KIAA1328: variants seen among roughly 807,000 people sequenced by gnomAD.
KIAA1328 encodes KIAA1328, also known as protein hinderin.
KIAA1328 carries 52 observed loss-of-function variants against 68.1 expected under a neutral mutation model. That is an observed-to-expected ratio of 0.76 (90% confidence interval 0.61 to 0.96). The LOEUF (loss-of-function observed/expected upper bound fraction) is 0.96, where lower values mean the gene tolerates loss of function less well. Among genes scored for constraint, KIAA1328 ranks in the 40% least tolerant of loss-of-function variants. The pLI, the probability that KIAA1328 is intolerant of heterozygous loss-of-function variation, is 0.00. For synonymous variants in KIAA1328, 232 were observed against 239.4 expected (o/e 0.97, Z 0.28); for missense variants, 641 against 677.6 (o/e 0.95, Z 0.60).
chr18:36,839,065 G>A (rs1419144821), intron 3 of KIAA1328, among the ~76,000 whole-genome samples: 1 of 152,012 alleles, frequency 6.6e-6, no homozygotes, highest in Non-Finnish European at 1.5e-5. Flanking sequence ...TATCTCTTTT[G>A]TTTGAGGTTT....
chr18:37,149,013 TATA>T (rs1355222496), intron 7 of KIAA1328, among the ~76,000 whole-genome samples: 1 of 152,168 alleles, frequency 6.6e-6, no homozygotes, highest in African/African-American at 2.4e-5. Flanking sequence ...CAAAGTAATT[TATA>T]GATTCAGTGC....
intron 5 of KIAA1328, among the ~76,000 whole-genome samples, chr18:36,929,488 C>G (rs2050236775): frequency 6.6e-6 from 1 of 151,984 alleles, no homozygotes; most frequent in South Asian, 2.1e-4. Flanking sequence ...CTTCTGCCAC[C>G]TTGTACTTAG....
intron 5 of KIAA1328, among the ~76,000 whole-genome samples, chr18:36,948,092 T>A (rs187728176): frequency 6.6e-6 from 1 of 152,174 alleles, no homozygotes; most frequent in Non-Finnish European, 1.5e-5. Context: ...CTTCATTCAG[T>A]CAGTTGAGGG....
intron 9 of KIAA1328, among the ~76,000 whole-genome samples, chr18:37,192,769 C>T (rs995056783): frequency 6.6e-6 from 1 of 152,092 alleles, no homozygotes; most frequent in East Asian, 1.9e-4. Context: ...ATTAAATGGC[C>T]ATTATCTAAC....
At chr18:37,005,786 C>T (rs1287334607) in intron 6 of KIAA1328, among the ~76,000 whole-genome samples, 1 of 152,036 alleles carries the variant, frequency 6.6e-6, no homozygotes, top group South Asian at 2.1e-4. Flanking sequence ...AGAATGAAAT[C>T]ATGTCATTTC....
intron 4 of KIAA1328, among the ~76,000 whole-genome samples, chr18:36,851,430 C>T (rs2047208046): frequency 6.6e-6 from 1 of 151,706 alleles, no homozygotes; most frequent in East Asian, 1.9e-4. Context: ...GCCATCTGGT[C>T]CCTGGATTGT....
chr18:37,225,597 GTC>G (rs2154227931), downstream of KIAA1328, among the ~76,000 whole-genome samples: 1 of 152,312 alleles, frequency 6.6e-6, no homozygotes, highest in Admixed American at 6.5e-5. Flanking sequence ...AGAACATTCA[GTC>G]TCTCTGCACC....
At chr18:36,836,166 A>G (rs138883503) in intron 3 of KIAA1328, among the ~76,000 whole-genome samples, 3 of 152,212 alleles carry the variant, frequency 2.0e-5, no homozygotes, top group East Asian at 1.9e-4. Flanking sequence ...CCAGTGCCTC[A>G]TTTATTACTA....
intron 6 of KIAA1328, among the ~76,000 whole-genome samples, chr18:36,993,160 G>A (rs1367919458): frequency 1.3e-5 from 2 of 152,080 alleles, no homozygotes; most frequent in African/African-American, 4.8e-5. Flanking sequence ...GCTGAACAAG[G>A]AAGTCATGGT....
chr18:37,076,397 G>T (rs11663664), intron 7 of KIAA1328, among the ~76,000 whole-genome samples: 19,172 of 151,644 alleles, frequency 0.13, 1,743 homozygotes, highest in Admixed American at 0.18. Flanking sequence ...ATCCAAAATT[G>T]ACACCCTAAC....
At chr18:37,113,842 A>T (rs1400359303) in intron 7 of KIAA1328, among the ~76,000 whole-genome samples, 1 of 152,224 alleles carries the variant, frequency 6.6e-6, no homozygotes, top group African/African-American at 2.4e-5. Context: ...AAACAAAAAA[A>T]AGCAGGTGTT....
chr18:37,053,078 C>G (rs1424558232), intron 6 of KIAA1328, among the ~76,000 whole-genome samples: 3 of 152,134 alleles, frequency 2.0e-5, no homozygotes, highest in Non-Finnish European at 4.4e-5. Context: ...CATCACATTA[C>G]CTGATATGAA....
rs943063003 is a variant in KIAA1328, at chr18:36,885,812, G to T, written c.448+140G>T. On this transcript the variant is annotated intron_variant, in intron 5 of 9. Coordinates refer to ENST00000280020, the MANE Select transcript of KIAA1328 (RefSeq NM_020776.3). ...AGTTCACCGCAACCTCCACCTCCCGGTTCAAGCGATTCTCCTACCTCAGCC... is the reference window on the plus strand; with the variant it reads ...AGTTCACCGCAACCTCCACCTCCCGTTTCAAGCGATTCTCCTACCTCAGCC... The T allele has an allele frequency of 4.1e-5, 23 of 560,756 alleles. No individual in the cohort carries two copies. The South Asian group carries it at 5.5e-4, about 14-fold the overall frequency. 34.7% of individuals were successfully genotyped at this position (560,756 alleles called of 1,614,324 possible).
At chr18:37,102,399 C>T (rs564711808) in intron 7 of KIAA1328, among the ~76,000 whole-genome samples, 1 of 152,326 alleles carries the variant, frequency 6.6e-6, no homozygotes, top group South Asian at 2.1e-4. Flanking sequence ...CAAACCTGCA[C>T]ATCCTGCACA....
intron 5 of KIAA1328, among the ~76,000 whole-genome samples, chr18:36,929,356 A>G (rs2050232001): frequency 6.6e-6 from 1 of 152,200 alleles, no homozygotes; most frequent in South Asian, 2.1e-4. Flanking sequence ...CCTCTCTTCT[A>G]TCAGGTAGGC....
chr18:37,222,127 GACTCA>G lies in KIAA1328; in HGVS notation c.1635_1639del (p.Leu546SerfsTer16). On this transcript the variant is annotated frameshift_variant, in exon 10 of 10. Transcript: ENST00000280020. LOFTEE classifies it high-confidence loss of function. ...GGGGCCTGGAATCATGGTACTTTCC[GACTCA>G]GTCCTCTAAAATCAACCCGGAAGAA... The G allele has an allele frequency of 6.2e-7, 1 of 1,612,314 alleles. No individual in the cohort carries two copies. The highest frequency in any genetic ancestry group is 8.5e-7 in the Non-Finnish European group (1 of 1,179,236).
chr18:36,889,821 TG>T (rs2048622158), intron 5 of KIAA1328, among the ~76,000 whole-genome samples: 1 of 152,206 alleles, frequency 6.6e-6, no homozygotes, highest in African/African-American at 2.4e-5. Flanking sequence ...CTTTCTTCAC[TG>T]GGATTTTGTT....
intron 5 of KIAA1328, among the ~76,000 whole-genome samples, chr18:36,929,156 AGT>A (rs1330820206): frequency 6.6e-6 from 1 of 152,128 alleles, no homozygotes; most frequent in Admixed American, 6.5e-5. Context: ...AGCTAATTCC[AGT>A]GTCTCAGTCA....
At chr18:36,922,251 T>C (rs572823215) in intron 5 of KIAA1328, among the ~76,000 whole-genome samples, 12 of 152,302 alleles carry the variant, frequency 7.9e-5, no homozygotes, top group Middle Eastern at 3.4e-3. Flanking sequence ...GTCTCCCTCT[T>C]GACCACACAA....
Sources: gnomAD v4.1 joint callset for allele counts (sites outside exome capture counted in the v4.1 genomes callset) on GRCh38, gnomAD v4.1.1 for gene constraint, MANE v1.5 for transcripts, NCBI Gene and HGNC (gene_info 2026-07-23, HGNC 2026-07-21) for gene names.